Variants in TBCD observed in about 807,000 individuals in gnomAD.
TBCD encodes the protein tubulin folding cofactor D.
TBCD carries 105 observed loss-of-function variants against 169.3 expected under a neutral mutation model. That is an observed-to-expected ratio of 0.62 (90% CI 0.53 to 0.73). TBCD has a LOEUF of 0.73. TBCD is among the 30% of genes least tolerant of loss of function. The pLI, the probability that TBCD is intolerant of heterozygous loss-of-function variation, is 0.00. For missense variants in TBCD, 1,444 were observed against 1,600.1 expected (o/e 0.90, Z 1.66); for synonymous variants, 700 against 643.9 (o/e 1.09, Z -1.32).
At chr17:82,927,412 A>G (rs1021052652) in intron 29 of TBCD, 89 bp downstream of exon 29, 33 of 1,479,742 alleles carry the variant, frequency 2.2e-5, no homozygotes, top group Non-Finnish European at 2.7e-5. Flanking sequence ...CTGCAGGGAG[A>G]AATCTTTGTA....
At chr17:82,804,614 T>C (rs1001599566) in intron 9 of TBCD, among the ~76,000 whole-genome samples, 12 of 152,350 alleles carry the variant, frequency 7.9e-5, no homozygotes, top group African/African-American at 2.9e-4. Flanking sequence ...GGTGGGGACC[T>C]GTTTGAAGTC....
intron 6 of TBCD, among the ~76,000 whole-genome samples, chr17:82,776,708 G>C (rs1048686404): frequency 6.6e-6 from 1 of 152,152 alleles, no homozygotes; most frequent in African/African-American, 2.4e-5. Context: ...CTCGTGTCAG[G>C]ATTGTTTCGT....
intron 13 of TBCD, among the ~76,000 whole-genome samples, chr17:82,816,696 A>C (rs1401899798): frequency 1.3e-5 from 2 of 148,148 alleles, no homozygotes; most frequent in Admixed American, 6.7e-5. Context: ...ACCATGCCAC[A>C]TTAATTTTTT....
rs535660510 is a variant in TBCD, at chr17:82,874,120, C to T, written c.1475+3740C>T. The stretch of plus-strand genomic sequence containing the variant: ...TGAGCCCATCATGCTGTGGGGTGCT[C>T]CCTGGGGGTTGTGTGTGTGTGGGTC... On this transcript the variant is annotated intron_variant, in intron 14 of 38. Coordinates refer to ENST00000355528, the MANE Select transcript of TBCD (RefSeq NM_005993.5). This position sits in a 1 kb window ranked among gnomAD's most constrained non-coding sequence, Gnocchi z 5.0. Among the ~76,000 whole-genome samples the T allele has an allele frequency of 6.6e-6, 1 of 152,176 alleles. No individual in the cohort carries two copies. Among genetic ancestry groups the T allele is most frequent in the Non-Finnish European group, 1.5e-5 (1 of 68,004 alleles).
At chr17:82,784,275 G>A (rs988388353) in intron 7 of TBCD, among the ~76,000 whole-genome samples, 1 of 152,130 alleles carries the variant, frequency 6.6e-6, no homozygotes, top group African/African-American at 2.4e-5. Context: ...CATACCTGTC[G>A]TACTGATGAA....
chr17:82,906,135 G>A, intron 20 of TBCD, 82 bp downstream of exon 20: 1 of 1,085,742 alleles, frequency 9.2e-7, no homozygotes, highest in Non-Finnish European at 1.4e-6. Flanking sequence ...TCCAGTTCGA[G>A]ACTCTCTCAT....
chr17:82,822,857 T>G (rs944391021), intron 13 of TBCD, among the ~76,000 whole-genome samples: 1 of 152,092 alleles, frequency 6.6e-6, no homozygotes, highest in Non-Finnish European at 1.5e-5. Context: ...AGTTATGGAT[T>G]GATGAGTTCA....
At position 82,760,590 on chromosome 17, in the gene TBCD, C is replaced by G. The variant is rs148533955; in HGVS notation, c.236-3375C>G. 1.9e-3 allele frequency among the ~76,000 whole-genome samples: 296 copies of G among 152,328 alleles called. 2 individuals are homozygous for G. The highest frequency in any genetic ancestry group is 6.4e-3 in the African/African-American group (265 of 41,564). ...TATACTGTTTTTGTAAATGGCAACA[C>G]TGTAATGGAATATGTATGTGTAAAC... On this transcript the variant is annotated intron_variant, in intron 2 of 38. Transcript: ENST00000355528.
chr17:82,938,266 T>C, intron 36 of TBCD, 130 bp downstream of exon 36: 1 of 1,029,858 alleles, frequency 9.7e-7, no homozygotes, highest in Non-Finnish European at 1.4e-6. Flanking sequence ...CGCGCCTGGG[T>C]GACGACGCGT....
Position 82,764,014 on chromosome 17 carries a change from A to C in TBCD, c.285A>C (p.Pro95=). The change falls in exon 3 of 39, where the codon CCA becomes CCC. Residue 95 remains proline (P), a synonymous_variant. Coordinates refer to ENST00000355528, the MANE Select transcript of TBCD (RefSeq NM_005993.5). ...ACATAGTGCAAGATCAGACATCTCC[A>C]GCTTCCCTTGTACATCTGGCTTTTA... ...LLDIVQDQTS[P]ASLVHLAFKF... is the part of the protein sequence containing the mutation. 2.5e-6 allele frequency: 4 copies of C among 1,614,016 alleles called. No individual in the cohort carries two copies. Among genetic ancestry groups the C allele is most frequent in the Non-Finnish European group, 3.4e-6 (4 of 1,179,878 alleles).
At chr17:82,917,019 C>CTTTTTTTTTTTTTTT (rs59331670) in intron 23 of TBCD, among the ~76,000 whole-genome samples, 9 of 108,520 alleles carry the variant, frequency 8.3e-5, no homozygotes, top group East Asian at 2.6e-4. Flanking sequence ...TTTTTCTTTT[C>CTTTTTTTTTTTTTTT]TTTTCTTTTT....
At position 82,941,478 on chromosome 17, in the gene TBCD, C is replaced by A. The variant is rs1264029414; in HGVS notation, c.3559C>A (p.Pro1187Thr). The change falls in exon 38 of 39, where the codon CCC becomes ACC. Residue 1187 changes from proline (P) to threonine (T), a missense_variant. Physicochemically the swap from Pro to Thr is conservative, Grantham distance 38. Transcript: ENST00000355528. ...LLGVPRPQLV[P>T]QPGAC ...GGGCGTACCCAGGCCCCAGCTGGTGCCCCAGGTAACCCTGTCACCTTCACA... is the reference window on the plus strand; with the variant it reads ...GGGCGTACCCAGGCCCCAGCTGGTGACCCAGGTAACCCTGTCACCTTCACA... 1.3e-6 allele frequency: 2 copies of A among 1,591,860 alleles called. No individual in the cohort carries two copies. The highest frequency in any genetic ancestry group is 1.7e-6 in the Non-Finnish European group (2 of 1,170,340).
At chr17:82,786,825 T>C (rs1238937549) in intron 7 of TBCD, among the ~76,000 whole-genome samples, 2 of 126,332 alleles carry the variant, frequency 1.6e-5, no homozygotes, top group Non-Finnish European at 3.1e-5. Flanking sequence ...TCTTTACTTT[T>C]TTTTTTTTTT....
At chr17:82,797,461 A>T (rs1470308289) in intron 7 of TBCD, among the ~76,000 whole-genome samples, 1 of 152,154 alleles carries the variant, frequency 6.6e-6, no homozygotes, top group Non-Finnish European at 1.5e-5. Context: ...CCTGAACTTA[A>T]ACCTGGGCAC....
At chr17:82,826,227 T>C (rs1442294151) in intron 13 of TBCD, among the ~76,000 whole-genome samples, 1 of 152,026 alleles carries the variant, frequency 6.6e-6, no homozygotes, top group Non-Finnish European at 1.5e-5. Context: ...CATGACCTTT[T>C]TTTTTTATTA....
In TBCD at chr17:82,920,547, T is replaced by A; in HGVS notation, c.2039-9T>A. On this transcript the variant is annotated splice_polypyrimidine_tract_variant and intron_variant, in intron 23 of 38. Transcript: ENST00000355528. This position sits in a 1 kb window ranked among gnomAD's most constrained non-coding sequence, Gnocchi z 4.1. ...ACATTGCGTCTATCCTTTTTTTTTT[T>A]TTTTCCAGTGTGTGTTTTAATAGAA... 1 of 1,534,336 alleles carries A rather than the reference T, an allele frequency of 6.5e-7. No homozygotes were observed. Among genetic ancestry groups the A allele is most frequent in the Non-Finnish European group, 8.7e-7 (1 of 1,143,772 alleles).
At chr17:82,764,741 A>G (rs2047939616) in intron 3 of TBCD, among the ~76,000 whole-genome samples, 1 of 152,156 alleles carries the variant, frequency 6.6e-6, no homozygotes, top group East Asian at 1.9e-4. Flanking sequence ...CGGGGGTCTC[A>G]TAGTCTGCTT....
chr17:82,758,004 T>A (rs1049691902), intron 2 of TBCD, among the ~76,000 whole-genome samples: 1 of 152,194 alleles, frequency 6.6e-6, no homozygotes, highest in African/African-American at 2.4e-5. Flanking sequence ...TTGCCAGACC[T>A]CTTTCCAGAG....
In TBCD at chr17:82,870,330, G is replaced by A. The variant is rs781227791; in HGVS notation, c.1425G>A (p.Ala475=). Residue 475 remains alanine, a synonymous_variant, in exon 14 of 39, where the codon GCG becomes GCA. Coordinates refer to ENST00000355528, the MANE Select transcript of TBCD (RefSeq NM_005993.5). ...CCTGCTACGTGTGCTGGGCCTTCGC[G>A]CGTGCCTATGAGCCTCAGGAGCTGA... ...DAACYVCWAF[A]RAYEPQELKP... The A allele has an allele frequency of 4.3e-5, 70 of 1,613,394 alleles. No individual in the cohort carries two copies. The highest frequency in any genetic ancestry group is 5.6e-5 in the Non-Finnish European group (66 of 1,179,886).
Sources: allele counts gnomAD v4.1 joint callset (sites outside exome capture counted in the v4.1 genomes callset), GRCh38; gene constraint gnomAD v4.1.1; non-coding constraint Gnocchi (gnomAD v3.1); transcripts MANE v1.5; gene names NCBI Gene and HGNC (gene_info 2026-07-23, HGNC 2026-07-21).